The following JAKMIP2 variants were observed in gnomAD, a reference collection of about 807,000 sequenced individuals.
JAKMIP2 encodes janus kinase and microtubule interacting protein 2.
Under a neutral mutation model 115.0 loss-of-function variants are expected in JAKMIP2, and 25 were observed. That is an observed-to-expected ratio of 0.22 (90% CI 0.16 to 0.30). The LOEUF (loss-of-function observed/expected upper bound fraction) is 0.30, where lower values mean the gene tolerates loss of function less well. Among genes scored for constraint, JAKMIP2 ranks in the 10% least tolerant of loss-of-function variants. The pLI is 1.00. For synonymous variants in JAKMIP2, 334 were observed against 343.6 expected, an observed-to-expected ratio of 0.97 and a Z score of 0.31; for missense variants, 642 against 957.6, an observed-to-expected ratio of 0.67 and a Z score of 4.35.
At chr5:147,641,345 T>A (rs1757871183) in intron 8 of JAKMIP2, among the ~76,000 whole-genome samples, 1 of 152,334 alleles carries the variant, frequency 6.6e-6, no homozygotes, top group African/African-American at 2.4e-5. Flanking sequence ...AATAAGATTG[T>A]CTGAATGAAT....
Position 147,587,418 on chromosome 5 carries a change from G to C in JAKMIP2, c.*4289C>G, listed in dbSNP as rs1220705527. ...ACAGAGCAAATTTCTATTGCTCTGTGTGTGTGTGTGTGTGTGTGTGTGTTT... is the reference window on the plus strand; with the variant it reads ...ACAGAGCAAATTTCTATTGCTCTGTCTGTGTGTGTGTGTGTGTGTGTGTTT... On this transcript the variant is annotated 3_prime_UTR_variant, in exon 22 of 22. Coordinates refer to ENST00000616793, the MANE Select transcript of JAKMIP2 (RefSeq NM_001270941.2). 9 of 105,478 alleles carry C rather than the reference G, an allele frequency of 8.5e-5. No individual in the cohort carries two copies. The East Asian group carries it at 1.3e-3, about 15-fold the overall frequency. 6.5% of individuals were successfully genotyped at this position (105,478 alleles called of 1,614,324 possible).
intron 16 of JAKMIP2, among the ~76,000 whole-genome samples, chr5:147,627,207 T>C (rs569412092): frequency 2.0e-5 from 3 of 152,080 alleles, no homozygotes; most frequent in Non-Finnish European, 4.4e-5. Flanking sequence ...TCAAAAGCCA[T>C]GGGAGCAGTA....
intron 1 of JAKMIP2, among the ~76,000 whole-genome samples, chr5:147,733,089 G>T (rs1753793267): frequency 6.6e-6 from 1 of 152,192 alleles, no homozygotes; most frequent in Non-Finnish European, 1.5e-5. Flanking sequence ...AAATTCTTAA[G>T]GAGAGAGATG....
At chr5:147,606,371 G>A (rs540181114) in intron 20 of JAKMIP2, among the ~76,000 whole-genome samples, 2 of 152,278 alleles carry the variant, frequency 1.3e-5, no homozygotes, top group Non-Finnish European at 1.5e-5. Flanking sequence ...AAGGTGTAAG[G>A]AAGGGGTCCA....
rs143053857 is a variant in JAKMIP2 at position 147,661,287 on chromosome 5, G to C, written c.288C>G (p.His96Gln). 3.1e-6 allele frequency: 5 copies of C among 1,613,746 alleles called. No individual in the cohort carries two copies. The highest frequency in any genetic ancestry group is 1.7e-5 in the Admixed American group (1 of 59,954). ...QAVRENLIKQ[H>Q]EQEMSRTVKV... ...TCACCGTCCTTGACATTTCCTGCTC[G>C]TGCTGCTTGATAAGGTTCTCCCTCA... The change falls in exon 3 of 22, where the codon CAC becomes CAG. Residue 96 changes from histidine (H) to glutamine (Q), a missense_variant. Transcript: ENST00000616793.
chr5:147,782,626 A>T lies in JAKMIP2; in HGVS notation c.-319T>A, dbSNP rs1399936590. Reference sequence around the variant, plus strand: ...TGGTGCGAATAGGAACCACCCTTCCAGCCCCACTAGAGTATCAGCAATAGA... The same window carrying T: ...TGGTGCGAATAGGAACCACCCTTCCTGCCCCACTAGAGTATCAGCAATAGA... On this transcript the variant is annotated 5_prime_UTR_variant, in exon 1 of 22. Coordinates refer to ENST00000616793, the MANE Select transcript of JAKMIP2 (RefSeq NM_001270941.2). 1.4e-6 allele frequency: 1 copy of T among 712,072 alleles called. No homozygotes were observed. The highest frequency in any genetic ancestry group is 1.5e-5 in the South Asian group (1 of 66,874). 44.1% of individuals were successfully genotyped at this position (712,072 alleles called of 1,614,324 possible). A position where few individuals can be genotyped will look rare whatever the true frequency, so the allele number is the denominator to read the frequency against.
intron 16 of JAKMIP2, among the ~76,000 whole-genome samples, chr5:147,626,503 C>T (rs2126670892): frequency 6.6e-6 from 1 of 152,316 alleles, no homozygotes; most frequent in Non-Finnish European, 1.5e-5. Context: ...TGAATCCTGA[C>T]TCCATCAACT....
chr5:147,723,117 T>C (rs1753383614), intron 1 of JAKMIP2, among the ~76,000 whole-genome samples: 1 of 152,138 alleles, frequency 6.6e-6, no homozygotes, highest in South Asian at 2.1e-4. Flanking sequence ...ACTAGTAGGG[T>C]TGGCTTTCCT....
At position 147,676,267 on chromosome 5, in the gene JAKMIP2, C is replaced by A. The variant is rs184824657; in HGVS notation, c.-148-4313G>T. The stretch of plus-strand genomic sequence containing the variant: ...AGGAGAATGGCGTGAACCCGGGAGG[C>A]GGAGCTTGCAGTGAGCCAAGATCAC... On this transcript the variant is annotated intron_variant, in intron 1 of 21. Transcript: ENST00000616793. Among the ~76,000 whole-genome samples, 759 of 152,250 alleles carry A rather than the reference C, an allele frequency of 5.0e-3. 7 individuals are homozygous for A. The highest frequency in any genetic ancestry group is 4.9e-3 in the Non-Finnish European group (335 of 68,016).
At chr5:147,706,480 A>G (rs1296654575) in intron 1 of JAKMIP2, among the ~76,000 whole-genome samples, 2 of 152,190 alleles carry the variant, frequency 1.3e-5, no homozygotes, top group African/African-American at 4.8e-5. Flanking sequence ...CACTGTGCCC[A>G]GCTACAAATT....
intron 1 of JAKMIP2, among the ~76,000 whole-genome samples, chr5:147,743,322 T>C (rs940424551): frequency 1.3e-5 from 2 of 152,214 alleles, no homozygotes; most frequent in Admixed American, 1.3e-4. Flanking sequence ...CTGGTTAACC[T>C]GCTAAAGATA....
intron 20 of JAKMIP2, among the ~76,000 whole-genome samples, chr5:147,605,460 C>T (rs112506290): frequency 9.9e-5 from 15 of 152,174 alleles, no homozygotes; most frequent in African/African-American, 3.1e-4. Flanking sequence ...CCGCCCACCT[C>T]GGCCTCCCAA....
rs557565274 is a variant in JAKMIP2, at chr5:147,750,719, A to G, written c.-149+31737T>C. ...TCCCAACGTGGCTGTATTTGGAGAT[A>G]AGAAGGTAATGAAGGTTAAGGAAGG... is the stretch of plus-strand genomic sequence containing the variant. On this transcript the variant is annotated intron_variant, in intron 1 of 21. Coordinates refer to ENST00000616793, the MANE Select transcript of JAKMIP2 (RefSeq NM_001270941.2). 7.9e-5 allele frequency among the ~76,000 whole-genome samples: 12 copies of G among 152,276 alleles called. No individual in the cohort carries two copies. The East Asian group carries it at 2.3e-3, about 29-fold the overall frequency.
intron 1 of JAKMIP2, among the ~76,000 whole-genome samples, chr5:147,675,957 C>G (rs897841125): frequency 6.6e-6 from 1 of 152,144 alleles, no homozygotes; most frequent in Admixed American, 6.5e-5. Context: ...GATTCTCTTG[C>G]TGCCTTTGTG....
rs1247416512 is a variant in JAKMIP2 at position 147,689,472 on chromosome 5, T to C, written c.-148-17518A>G. 3.3e-5 allele frequency among the ~76,000 whole-genome samples: 5 copies of C among 152,148 alleles called. No homozygotes were observed. The East Asian group carries it at 9.7e-4, about 29-fold the overall frequency. ...TCACTGCAAAAATCCAGCTTGGAGATGGTAGCGGCTTAGAGAGTGGAAGCA... is the reference window on the plus strand; with the variant it reads ...TCACTGCAAAAATCCAGCTTGGAGACGGTAGCGGCTTAGAGAGTGGAAGCA... On this transcript the variant is annotated intron_variant, in intron 1 of 21. Coordinates refer to ENST00000616793, the MANE Select transcript of JAKMIP2 (RefSeq NM_001270941.2).
intron 20 of JAKMIP2, among the ~76,000 whole-genome samples, chr5:147,608,089 G>A (rs1444267735): frequency 6.6e-6 from 1 of 151,844 alleles, no homozygotes; most frequent in East Asian, 1.9e-4. Flanking sequence ...TCTGGCTAGC[G>A]GTCTATGTAT....
chr5:147,683,509 A>AAAC (rs754517099), intron 1 of JAKMIP2, among the ~76,000 whole-genome samples: 1 of 152,090 alleles, frequency 6.6e-6, no homozygotes, highest in Non-Finnish European at 1.5e-5. Flanking sequence ...AAACAAAACC[A>AAAC]AACAACAACA....
intron 1 of JAKMIP2, among the ~76,000 whole-genome samples, chr5:147,733,793 C>T (rs1282116259): frequency 1.3e-5 from 2 of 152,210 alleles, no homozygotes; most frequent in African/African-American, 2.4e-5. Context: ...AGGACACAAA[C>T]TCATCCTTTT....
intron 1 of JAKMIP2, among the ~76,000 whole-genome samples, chr5:147,722,290 C>T (rs926777704): frequency 9.9e-5 from 15 of 152,176 alleles, no homozygotes; most frequent in African/African-American, 3.6e-4. Flanking sequence ...GCTGTTATAA[C>T]TTGCTATCAC....
Sources: allele counts gnomAD v4.1 joint callset (sites outside exome capture counted in the v4.1 genomes callset), GRCh38; gene constraint gnomAD v4.1.1; transcripts MANE v1.5; gene names NCBI Gene and HGNC (gene_info 2026-07-23, HGNC 2026-07-21).